AFG1L: variants seen among roughly 807,000 people sequenced by gnomAD.
AFG1L encodes the protein AFG1-like ATPase.
A neutral mutation model predicts 62.2 loss-of-function variants in AFG1L; 53 were observed. The ratio of observed to expected loss-of-function variants is 0.85; its 90% confidence interval spans 0.68 to 1.07. The LOEUF (loss-of-function observed/expected upper bound fraction) is 1.07. AFG1L is among the 50% of genes least tolerant of loss of function. AFG1L has a pLI of 0.00. For missense variants in AFG1L, 555 were observed against 590.5 expected (o/e 0.94, Z 0.62); for synonymous variants, 228 against 210.3 (o/e 1.08, Z -0.73).
intron 1 of AFG1L, among the ~76,000 whole-genome samples, chr6:108,298,633 G>C (rs960416172): frequency 2.0e-5 from 3 of 152,200 alleles, no homozygotes; most frequent in East Asian, 1.9e-4. Flanking sequence ...TATGGTCTCT[G>C]AGAGAGCAGT....
chr6:108,414,642 A>G (rs1782276947), intron 7 of AFG1L, among the ~76,000 whole-genome samples: 2 of 152,222 alleles, frequency 1.3e-5, no homozygotes, highest in South Asian at 4.1e-4. Flanking sequence ...AAAGTAATCC[A>G]TCACATAAAT....
At chr6:108,520,572 T>C (rs1775086810) in intron 12 of AFG1L, 1 of 152,244 alleles carries the variant, frequency 6.6e-6, no homozygotes, top group Non-Finnish European at 1.5e-5. Flanking sequence ...AGCCCAATTC[T>C]TCCAGCCCCA....
At chr6:108,332,698 C>A (rs901563924) in intron 2 of AFG1L, among the ~76,000 whole-genome samples, 1 of 152,076 alleles carries the variant, frequency 6.6e-6, no homozygotes, top group African/African-American at 2.4e-5. Context: ...GCCTTGACCT[C>A]CCAGGCTCAA....
intron 3 of AFG1L, among the ~76,000 whole-genome samples, chr6:108,349,914 CT>C (rs1280530905): frequency 6.6e-6 from 1 of 150,590 alleles, no homozygotes; most frequent in Non-Finnish European, 1.5e-5. Context: ...GAGGCCCTAT[CT>C]TAAAAATAAA....
At chr6:108,422,477 CAAAAA>C (rs539232525) in intron 7 of AFG1L, among the ~76,000 whole-genome samples, 6 of 45,808 alleles carry the variant, frequency 1.3e-4, no homozygotes, top group African/African-American at 3.1e-4. Flanking sequence ...TAGTCCTCAG[CAAAAA>C]AAAAAAAAAA....
At chr6:108,515,099 A>G (rs539618491) in intron 11 of AFG1L, among the ~76,000 whole-genome samples, 55 of 152,320 alleles carry the variant, frequency 3.6e-4, no homozygotes, top group Admixed American at 7.2e-4. Flanking sequence ...CAAGACAGAA[A>G]GTCAACAAGG....
chr6:108,502,663 T>C (rs1554204387), intron 10 of AFG1L, among the ~76,000 whole-genome samples: 1 of 152,216 alleles, frequency 6.6e-6, no homozygotes, highest in Non-Finnish European at 1.5e-5. Flanking sequence ...TTGATGACTG[T>C]TGACTGATCA....
chr6:108,510,982 T>C (rs1222240515), intron 11 of AFG1L, among the ~76,000 whole-genome samples: 1 of 149,424 alleles, frequency 6.7e-6, no homozygotes, highest in Non-Finnish European at 1.5e-5. Flanking sequence ...GAGGCTAAGG[T>C]GGGAGGATTG....
intron 8 of AFG1L, among the ~76,000 whole-genome samples, chr6:108,460,026 G>C (rs1295923465): frequency 6.6e-6 from 1 of 151,480 alleles, no homozygotes; most frequent in African/African-American, 2.4e-5. Context: ...GCCTTATGTG[G>C]ATCCTGAATC....
At chr6:108,409,335 G>A (rs1166250616) in intron 7 of AFG1L, among the ~76,000 whole-genome samples, 1 of 152,082 alleles carries the variant, frequency 6.6e-6, no homozygotes, top group Non-Finnish European at 1.5e-5. Flanking sequence ...ACCTGACTAG[G>A]AGAACTCACA....
At chr6:108,494,614 G>A (rs1258289455) in intron 10 of AFG1L, among the ~76,000 whole-genome samples, 1 of 152,040 alleles carries the variant, frequency 6.6e-6, no homozygotes, top group African/African-American at 2.4e-5. Flanking sequence ...AAGAATTGGT[G>A]ATATTTTCTA....
At chr6:108,507,383 T>C (rs1234763175) in intron 10 of AFG1L, among the ~76,000 whole-genome samples, 1 of 152,216 alleles carries the variant, frequency 6.6e-6, no homozygotes, top group African/African-American at 2.4e-5. Flanking sequence ...GAAAGATAAC[T>C]CTACTGAGCT....
chr6:108,308,090 T>G (rs1777272515), intron 1 of AFG1L, among the ~76,000 whole-genome samples: 1 of 152,208 alleles, frequency 6.6e-6, no homozygotes, highest in Non-Finnish European at 1.5e-5. Flanking sequence ...GTAGCTTGCT[T>G]TTTAATTTTA....
intron 2 of AFG1L, among the ~76,000 whole-genome samples, chr6:108,333,497 C>T (rs569037388): frequency 3.3e-5 from 5 of 152,070 alleles, no homozygotes; most frequent in Admixed American, 6.6e-5. Flanking sequence ...AATCTCAACA[C>T]TATGAGAGGC....
intron 10 of AFG1L, among the ~76,000 whole-genome samples, chr6:108,507,493 T>TA (rs1236261904): frequency 4.0e-4 from 61 of 152,296 alleles, no homozygotes; most frequent in East Asian, 2.1e-3. Context: ...CTGACAAAGG[T>TA]ATGTAATTTG....
intron 1 of AFG1L, among the ~76,000 whole-genome samples, chr6:108,297,858 CA>C (rs774320900): frequency 6.5e-3 from 292 of 45,160 alleles, no homozygotes; most frequent in African/African-American, 0.015. Flanking sequence ...GAACCTGTCT[CA>C]AAAAAAAAAA....
intron 6 of AFG1L, among the ~76,000 whole-genome samples, chr6:108,389,097 C>G (rs1780922139): frequency 6.6e-6 from 1 of 152,172 alleles, no homozygotes; most frequent in Admixed American, 6.5e-5. Context: ...AGAGTTAGCT[C>G]TTCCTGTTGA....
chr6:108,303,399 A>G (rs1777084589), intron 1 of AFG1L, among the ~76,000 whole-genome samples: 1 of 152,072 alleles, frequency 6.6e-6, no homozygotes, highest in African/African-American at 2.4e-5. Flanking sequence ...CCAGTAGTAG[A>G]CTTCAGGTGT....
In AFG1L at chr6:108,519,750, A is replaced by G. The variant is rs1284219453; in HGVS notation, c.1257A>G (p.Gln419=). ...STPISSLFLH[Q]HHDSELEQSR... is the part of the protein sequence containing the mutation. ...CTATATCAAGCTTATTTTTGCATCA[A>G]CATCATGACAGTGAGTTGGAGCAAA... Residue 419 remains glutamine, a synonymous_variant, in exon 12 of 13, where the codon CAA becomes CAG. Transcript: ENST00000368977. 3 of 1,613,558 alleles carry G rather than the reference A, an allele frequency of 1.9e-6. No homozygotes were observed. The South Asian group carries it at 3.3e-5, about 18-fold the overall frequency.
Sources: gnomAD v4.1 joint callset for allele counts (sites outside exome capture counted in the v4.1 genomes callset) on GRCh38, gnomAD v4.1.1 for gene constraint, MANE v1.5 for transcripts, NCBI Gene and HGNC (gene_info 2026-07-23, HGNC 2026-07-21) for gene names.